Variants in UBP1 observed in about 807,000 individuals in gnomAD.
UBP1 encodes the protein upstream binding protein 1.
In UBP1, 22 loss-of-function variants were observed where a neutral mutation model predicts 76.1. The ratio of observed to expected loss-of-function variants is 0.29; its 90% confidence interval spans 0.21 to 0.41. The LOEUF is 0.41. UBP1 is among the 10% of genes least tolerant of loss of function. The probability of loss-of-function intolerance (pLI) is 1.00; values close to 1 mark genes in which losing one functional copy is unlikely to be tolerated. For synonymous variants in UBP1, 224 were observed against 237.1 expected, an observed-to-expected ratio of 0.94 and a Z score of 0.51; for missense variants, 436 against 668.1, an observed-to-expected ratio of 0.65 and a Z score of 3.83.
chr3:33,410,745 T>C (rs181217248), intron 5 of UBP1, among the ~76,000 whole-genome samples: 3 of 152,134 alleles, frequency 2.0e-5, no homozygotes, highest in Admixed American at 2.0e-4. Flanking sequence ...ATGATATTTA[T>C]GGATGAAATG....
At chr3:33,420,087 G>A (rs1038236822) in intron 2 of UBP1, among the ~76,000 whole-genome samples, 1 of 152,074 alleles carries the variant, frequency 6.6e-6, no homozygotes, top group Non-Finnish European at 1.5e-5. Flanking sequence ...GGACTCCAGG[G>A]CAACATGGAG....
At chr3:33,430,543 C>A (rs2045095596) in intron 1 of UBP1, among the ~76,000 whole-genome samples, 1 of 152,182 alleles carries the variant, frequency 6.6e-6, no homozygotes, top group Admixed American at 6.5e-5. Flanking sequence ...GCAAAAACAA[C>A]AGATGACATA....
intron 2 of UBP1, among the ~76,000 whole-genome samples, chr3:33,420,646 G>A (rs551765096): frequency 2.0e-5 from 3 of 152,098 alleles, no homozygotes; most frequent in Non-Finnish European, 2.9e-5. Context: ...ATGCCAGTAC[G>A]CCCAGCTAAT....
At chr3:33,439,056 A>C (rs2045245351) in intron 1 of UBP1, among the ~76,000 whole-genome samples, 1 of 152,248 alleles carries the variant, frequency 6.6e-6, no homozygotes, top group Admixed American at 6.5e-5. Context: ...GATCTGTTTC[A>C]ATCTCTCCAT....
At chr3:33,396,367 C>T (rs1248855938) in intron 12 of UBP1, 87 bp from the exon 13 acceptor site, 2 of 996,686 alleles carry the variant, frequency 2.0e-6, no homozygotes, top group South Asian at 2.0e-5. Flanking sequence ...AATCTAAGTT[C>T]TATTTCCTTA....
rs1395023758 is a variant in UBP1 at position 33,423,047 on chromosome 3, T to TG, written c.265+2542_265+2543insC. Among the ~76,000 whole-genome samples the TG allele has an allele frequency of 8.1e-5, 7 of 85,898 alleles. No homozygotes were observed. In the East Asian group the frequency reaches 3.4e-3, roughly 41 times the overall value. 56.4% of individuals were successfully genotyped at this position (85,898 alleles called of 152,430 possible). Reference sequence around the variant, plus strand: ...TAAAATTACTCAAAAAAAAGTTTGTTTTTTTTTTTTTTGAGACAGAGTCTC... The same window carrying TG: ...TAAAATTACTCAAAAAAAAGTTTGTTGTTTTTTTTTTTTGAGACAGAGTCTC... On this transcript the variant is annotated intron_variant, in intron 2 of 15. Coordinates refer to ENST00000283629, the MANE Select transcript of UBP1 (RefSeq NM_014517.5).
chr3:33,435,817 T>C (rs1440376283), intron 1 of UBP1, among the ~76,000 whole-genome samples: 1 of 152,238 alleles, frequency 6.6e-6, no homozygotes, highest in East Asian at 1.9e-4. Flanking sequence ...CATCATACCA[T>C]GTATCAGGAG....
chr3:33,420,267 C>T (rs562099702), intron 2 of UBP1, among the ~76,000 whole-genome samples: 16 of 152,300 alleles, frequency 1.1e-4, no homozygotes, highest in Middle Eastern at 3.4e-3. Flanking sequence ...AAATATTTAA[C>T]GGAATTCTTA....
At chr3:33,428,476 T>A (rs5019830) in intron 1 of UBP1, among the ~76,000 whole-genome samples, 59,439 of 151,450 alleles carry the variant, frequency 0.39, 12,806 homozygotes, top group East Asian at 0.6. Flanking sequence ...TGGCTTTTTT[T>A]AATAAATTGT....
intron 2 of UBP1, among the ~76,000 whole-genome samples, chr3:33,417,550 A>G (rs76856589): frequency 0.013 from 2,016 of 152,320 alleles, 19 homozygotes; most frequent in South Asian, 0.027. Flanking sequence ...TTGTTTATCC[A>G]TTCATCAGCT....
chr3:33,415,570 T>A (rs929960498), intron 3 of UBP1, among the ~76,000 whole-genome samples: 2 of 152,194 alleles, frequency 1.3e-5, no homozygotes, highest in Admixed American at 6.5e-5. Flanking sequence ...GGATTCATTG[T>A]ACCATTCTCT....
chr3:33,399,682 G>A (rs1042934454), intron 11 of UBP1, among the ~76,000 whole-genome samples: 1 of 152,192 alleles, frequency 6.6e-6, no homozygotes, highest in Non-Finnish European at 1.5e-5. Flanking sequence ...CGAAGGGGTA[G>A]CAGGAGGGAG....
At chr3:33,419,544 C>T (rs562423969) in intron 2 of UBP1, among the ~76,000 whole-genome samples, 6 of 150,542 alleles carry the variant, frequency 4.0e-5, no homozygotes, top group Admixed American at 6.7e-5. Flanking sequence ...AGGAGAATCA[C>T]TTGAACCTGT....
At chr3:33,405,167 T>C (rs1308352411) in intron 8 of UBP1, among the ~76,000 whole-genome samples, 1 of 151,834 alleles carries the variant, frequency 6.6e-6, no homozygotes. Flanking sequence ...GCCTCAGGAA[T>C]AAAAAATAAA....
upstream of UBP1, chr3:33,440,819 G>T (rs1195880186): frequency 6.6e-6 from 1 of 152,226 alleles, no homozygotes; most frequent in African/African-American, 2.4e-5. Flanking sequence ...GGTAGAAAGC[G>T]ACCCAAAACG....
Position 33,412,812 on chromosome 3 carries a change from C to T in UBP1, c.358G>A (p.Val120Ile). The T allele has an allele frequency of 2.2e-5, 36 of 1,613,376 alleles. No individual in the cohort carries two copies. The highest frequency in any genetic ancestry group is 3.0e-5 in the Non-Finnish European group (35 of 1,179,326). Reference protein sequence around the residue: ...GKLVKSIIRVVFHDRRLQYTE... With the variant: ...GKLVKSIIRVIFHDRRLQYTE... ...TATTGTAGCCGTCTGTCATGGAATA[C>T]AACCCTTATGATGCTCTGTGGAATA... Residue 120 changes from valine to isoleucine, a missense_variant, in exon 4 of 16, where the codon GTA (valine) becomes ATA (isoleucine). By Grantham distance (29) the Val-to-Ile change is conservative. Coordinates refer to ENST00000283629, the MANE Select transcript of UBP1 (RefSeq NM_014517.5).
chr3:33,415,619 G>A (rs1301492567), intron 3 of UBP1, among the ~76,000 whole-genome samples: 1 of 151,920 alleles, frequency 6.6e-6, no homozygotes, highest in African/African-American at 2.4e-5. Flanking sequence ...ATAATAAAAA[G>A]TTAAAAAAAT....
chr3:33,399,873 A>G (rs1165185528), intron 11 of UBP1, among the ~76,000 whole-genome samples: 1 of 152,254 alleles, frequency 6.6e-6, no homozygotes, highest in Non-Finnish European at 1.5e-5. Context: ...AACTTACTGT[A>G]AAACAAAAAT....
intron 1 of UBP1, among the ~76,000 whole-genome samples, chr3:33,436,283 A>G (rs985134581): frequency 6.6e-6 from 1 of 152,202 alleles, no homozygotes; most frequent in Non-Finnish European, 1.5e-5. Flanking sequence ...CACCCTTTGC[A>G]TTTTTCAAGA....
Sources: gnomAD v4.1 joint callset for allele counts (sites outside exome capture counted in the v4.1 genomes callset) on GRCh38, gnomAD v4.1.1 for gene constraint, MANE v1.5 for transcripts, NCBI Gene and HGNC (gene_info 2026-07-23, HGNC 2026-07-21) for gene names.